The following NCOA3 variants were observed in gnomAD, a reference collection of about 807,000 sequenced individuals.
NCOA3 encodes CBP-interacting protein.
A neutral mutation model predicts 158.8 loss-of-function variants in NCOA3; 51 were observed. That is an observed-to-expected ratio of 0.32 (90% CI 0.26 to 0.41). The LOEUF (loss-of-function observed/expected upper bound fraction) is 0.41. NCOA3 is among the 10% of genes least tolerant of loss of function. The probability of loss-of-function intolerance (pLI) is 1.00; values close to 1 mark genes in which losing one functional copy is unlikely to be tolerated. For synonymous variants in NCOA3, 537 were observed against 592.4 expected, an observed-to-expected ratio of 0.91 and a Z score of 1.36; for missense variants, 1,510 against 1,746.6, an observed-to-expected ratio of 0.86 and a Z score of 2.41.
chr20:47,604,531 T>C (rs1392787632), intron 2 of NCOA3, among the ~76,000 whole-genome samples: 2 of 152,252 alleles, frequency 1.3e-5, no homozygotes, highest in East Asian at 3.8e-4. Context: ...TTATTTATAA[T>C]TCGTGAAAGC....
chr20:47,625,269 A>G (rs2086303776), intron 4 of NCOA3, 112 bp from the exon 5 acceptor site: 1 of 665,558 alleles, frequency 1.5e-6, no homozygotes, highest in Non-Finnish European at 2.6e-6. Context: ...TTTTGTATGT[A>G]TGTATGGGCA....
intron 2 of NCOA3, among the ~76,000 whole-genome samples, chr20:47,605,024 C>T (rs1445726544): frequency 1.3e-5 from 2 of 152,070 alleles, no homozygotes; most frequent in African/African-American, 2.4e-5. Flanking sequence ...CATGCCACTA[C>T]CCCCGGCCAA....
chr20:47,583,042 G>A (rs2085479418), intron 1 of NCOA3, 141 bp from the exon 2 acceptor site: 4 of 385,446 alleles, frequency 1.0e-5, no homozygotes, highest in Non-Finnish European at 1.8e-5. Flanking sequence ...TGATTTGCCC[G>A]CCTTGCCTCC....
intron 3 of NCOA3, chr20:47,623,112 G>A (rs2086267721): frequency 6.6e-6 from 1 of 152,160 alleles, no homozygotes; most frequent in African/African-American, 2.4e-5. Flanking sequence ...AGTGAAATGA[G>A]AAGCTTAAAA....
At chr20:47,613,379 T>C (rs1233475400) in intron 2 of NCOA3, among the ~76,000 whole-genome samples, 2 of 151,948 alleles carry the variant, frequency 1.3e-5, no homozygotes, top group Non-Finnish European at 2.9e-5. Context: ...TGTTTTTCTG[T>C]TTTCCTGTTC....
chr20:47,576,616 T>TA (rs920190704), intron 1 of NCOA3, among the ~76,000 whole-genome samples: 3 of 151,830 alleles, frequency 2.0e-5, no homozygotes, highest in African/African-American at 4.8e-5. Context: ...CCCCTGTCCT[T>TA]AAAAAAAATA....
At chr20:47,639,448 G>C (rs2086568472) in intron 14 of NCOA3, 129 bp from the exon 15 acceptor site, 1 of 1,298,998 alleles carries the variant, frequency 7.7e-7, no homozygotes, top group Admixed American at 2.2e-5. Context: ...CAGTTGGCCA[G>C]CCCTTTTCTT....
chr20:47,574,395 TA>T (rs1448607946), intron 1 of NCOA3, among the ~76,000 whole-genome samples: 5 of 152,156 alleles, frequency 3.3e-5, no homozygotes, highest in Non-Finnish European at 5.9e-5. Flanking sequence ...ACAGAGTAAT[TA>T]CTATGGTTTC....
intron 2 of NCOA3, among the ~76,000 whole-genome samples, chr20:47,599,103 ACT>A (rs1379450603): frequency 6.6e-6 from 1 of 152,060 alleles, no homozygotes; most frequent in South Asian, 2.1e-4. Flanking sequence ...GTTAAGGGAC[ACT>A]CTGTGATGTT....
At chr20:47,569,235 T>C (rs567459393) in intron 1 of NCOA3, among the ~76,000 whole-genome samples, 1 of 151,424 alleles carries the variant, frequency 6.6e-6, no homozygotes, top group African/African-American at 2.4e-5. Flanking sequence ...TAGTCCCAGC[T>C]ACTCGGGAGG....
At chr20:47,639,260 T>G in intron 14 of NCOA3, 58 bp downstream of exon 14, 2 of 1,392,042 alleles carry the variant, frequency 1.4e-6, no homozygotes, top group Non-Finnish European at 2.0e-6. Context: ...TTTAAAATAC[T>G]TAAAGCCATC....
chr20:47,595,758 C>T (rs2085744086), intron 2 of NCOA3, among the ~76,000 whole-genome samples: 1 of 151,866 alleles, frequency 6.6e-6, no homozygotes, highest in Admixed American at 6.6e-5. Context: ...TCTAGCTCCA[C>T]CACTTACTGG....
chr20:47,579,233 G>C (rs1271451791), intron 1 of NCOA3, among the ~76,000 whole-genome samples: 2 of 152,236 alleles, frequency 1.3e-5, no homozygotes, highest in Non-Finnish European at 2.9e-5. Context: ...AGCCTCCTGA[G>C]TAGCTGGCGT....
At chr20:47,650,156 T>C (rs771337191) in intron 19 of NCOA3, among the ~76,000 whole-genome samples, 3 of 152,038 alleles carry the variant, frequency 2.0e-5, no homozygotes, top group Admixed American at 1.3e-4. Context: ...TTTCTAGTCA[T>C]GTTAAAGCTT....
chr20:47,543,658 C>A (rs1039694204), intron 1 of NCOA3, among the ~76,000 whole-genome samples: 1 of 152,038 alleles, frequency 6.6e-6, no homozygotes, highest in African/African-American at 2.4e-5. Context: ...TACTGGTGCG[C>A]ACCACCACGC....
intron 12 of NCOA3, 141 bp from the exon 13 acceptor site, chr20:47,637,507 C>A (rs1568746176): frequency 1.8e-6 from 1 of 543,456 alleles, no homozygotes; most frequent in Non-Finnish European, 3.0e-6. Context: ...AATAAACTGG[C>A]CTTTCAGGTG....
chr20:47,640,883 G>A (rs183543071), intron 16 of NCOA3, among the ~76,000 whole-genome samples: 9 of 149,602 alleles, frequency 6.0e-5, no homozygotes, highest in South Asian at 4.2e-4. Flanking sequence ...GTGAGACTCC[G>A]TCTCTAAAAA....
intron 2 of NCOA3, among the ~76,000 whole-genome samples, chr20:47,591,668 T>C (rs1017101420): frequency 6.6e-6 from 1 of 151,948 alleles, no homozygotes; most frequent in Non-Finnish European, 1.5e-5. Context: ...TTTGGTTCAC[T>C]GGATAGAAAA....
At chr20:47,521,954 A>T (rs185483428) in intron 1 of NCOA3, among the ~76,000 whole-genome samples, 73 of 152,258 alleles carry the variant, frequency 4.8e-4, no homozygotes, top group Non-Finnish European at 3.2e-4. Flanking sequence ...TTGTGATTGC[A>T]TTGAATCGGT....
Sources: allele counts gnomAD v4.1 joint callset (sites outside exome capture counted in the v4.1 genomes callset), GRCh38; gene constraint gnomAD v4.1.1; transcripts MANE v1.5; gene names NCBI Gene and HGNC (gene_info 2026-07-23, HGNC 2026-07-21).